The following CDH19 variants were observed in gnomAD, a reference collection of about 807,000 sequenced individuals.
CDH19 encodes the protein cadherin 19.
CDH19 carries 67 observed loss-of-function variants against 64.2 expected under a neutral mutation model. The observed-to-expected ratio is 1.04, with a 90% CI of 0.86 to 1.28. CDH19 has a LOEUF of 1.28. CDH19 is among the 50% of genes most tolerant of loss of function. The probability of loss-of-function intolerance (pLI) is 0.00; values close to 1 mark genes in which losing one functional copy is unlikely to be tolerated. For synonymous variants in CDH19, 346 were observed against 319.3 expected (o/e 1.08, Z -0.89); for missense variants, 1,030 against 929.0 (o/e 1.11, Z -1.41).
At chr18:66,563,790 G>T (rs1987808506) in intron 3 of CDH19, among the ~76,000 whole-genome samples, 1 of 151,830 alleles carries the variant, frequency 6.6e-6, no homozygotes, top group African/African-American at 2.4e-5. Flanking sequence ...CATCTTAACT[G>T]GGCAAAGTGT....
chr18:66,544,332 G>T, intron 6 of CDH19, 108 bp from the exon 7 acceptor site: 2 of 1,042,648 alleles, frequency 1.9e-6, no homozygotes, highest in Non-Finnish European at 2.7e-6. Flanking sequence ...CTTTCAGTTA[G>T]ATTTTTCTTT....
At position 66,544,081 on chromosome 18, in the gene CDH19, A is replaced by G. The variant is rs201588268; in HGVS notation, c.1104T>C (p.Pro368=). The part of the protein sequence containing the change: ...KIQVEDVDEP[P]LFLLPYYVFE... Reference sequence around the variant, plus strand: ...ATACATAATATGGAAGGAGGAAAAGAGGAGGCTCATCAACATCTTCCACCT... The same window carrying G: ...ATACATAATATGGAAGGAGGAAAAGGGGAGGCTCATCAACATCTTCCACCT... Residue 368 remains proline, a synonymous_variant, in exon 7 of 12, where the codon CCT becomes CCC. Transcript: ENST00000262150. The G allele has an allele frequency of 1.9e-6, 3 of 1,614,032 alleles. No homozygotes were observed. The highest frequency in any genetic ancestry group is 4.5e-5 in the East Asian group (2 of 44,874).
At chr18:66,524,886 C>A (rs1200291664) in intron 9 of CDH19, among the ~76,000 whole-genome samples, 1 of 152,056 alleles carries the variant, frequency 6.6e-6, no homozygotes, top group Non-Finnish European at 1.5e-5. Context: ...GAAGGTGCCA[C>A]CTTTCTCTTT....
chr18:66,554,165 G>T (rs564293708), intron 4 of CDH19, among the ~76,000 whole-genome samples: 3 of 151,838 alleles, frequency 2.0e-5, no homozygotes, highest in Non-Finnish European at 4.4e-5. Context: ...TCATTTAAAA[G>T]AATCTTTACA....
intron 4 of CDH19, among the ~76,000 whole-genome samples, 192 bp downstream of exon 4, chr18:66,554,213 G>A (rs901386035): frequency 1.3e-5 from 2 of 151,834 alleles, no homozygotes; most frequent in African/African-American, 4.8e-5. Flanking sequence ...TTTGTGCTAT[G>A]GACATGAAAA....
chr18:66,561,171 G>A (rs1987708663), intron 3 of CDH19, among the ~76,000 whole-genome samples: 2 of 152,004 alleles, frequency 1.3e-5, no homozygotes, highest in South Asian at 4.1e-4. Flanking sequence ...ACACTCCATG[G>A]AAGAAGCTAC....
chr18:66,538,851 T>C (rs1441106601), intron 7 of CDH19, among the ~76,000 whole-genome samples: 3 of 152,104 alleles, frequency 2.0e-5, no homozygotes, highest in Non-Finnish European at 2.9e-5. Flanking sequence ...GGTTGTCACA[T>C]GGCAGTCCTC....
At chr18:66,524,146 A>G (rs2144394808) in intron 9 of CDH19, among the ~76,000 whole-genome samples, 1 of 152,048 alleles carries the variant, frequency 6.6e-6, no homozygotes. Flanking sequence ...CCTTTTTATA[A>G]TTCCTTTTGT....
In CDH19 at chr18:66,535,019, AAGC is replaced by A; in HGVS notation, c.1300_1302del (p.Ala434del). 6.6e-7 allele frequency: 1 copy of A among 1,513,920 alleles called. No homozygotes were observed. Among genetic ancestry groups the A allele is most frequent in the East Asian group, 2.4e-5 (1 of 42,272 alleles). The allele number at this position is 1,513,920 out of a possible 1,614,324, so 93.8% of individuals were successfully genotyped here. On this transcript the variant is annotated inframe_deletion, in exon 8 of 12. Transcript: ENST00000262150. ...GTGGCTGTAATACTTAGGTTGTACC[AAGC>A]ACTGATTTCACGATCCAGTGAGTTA...
At chr18:66,518,973 C>G (rs1010076416) in intron 9 of CDH19, among the ~76,000 whole-genome samples, 1 of 152,164 alleles carries the variant, frequency 6.6e-6, no homozygotes, top group Non-Finnish European at 1.5e-5. Context: ...CCAATGGTTA[C>G]ATCTTATGTA....
At chr18:66,590,559 G>A (rs1285586076) in intron 1 of CDH19, among the ~76,000 whole-genome samples, 2 of 150,954 alleles carry the variant, frequency 1.3e-5, no homozygotes, top group African/African-American at 2.4e-5. Flanking sequence ...TGTAGAAGTT[G>A]GTTAACACTT....
intron 3 of CDH19, among the ~76,000 whole-genome samples, chr18:66,565,150 A>C (rs149401139): frequency 2.6e-3 from 388 of 152,068 alleles, no homozygotes; most frequent in African/African-American, 8.7e-3. Flanking sequence ...TGGATGGCAG[A>C]AAAATAGTAA....
At chr18:66,589,391 T>C (rs190038816) in intron 1 of CDH19, among the ~76,000 whole-genome samples, 1 of 151,796 alleles carries the variant, frequency 6.6e-6, no homozygotes, top group African/African-American at 2.4e-5. Flanking sequence ...ATGCTTTCAT[T>C]AAGAAGATAT....
chr18:66,586,061 A>C (rs1331990862), intron 1 of CDH19, among the ~76,000 whole-genome samples: 1 of 152,110 alleles, frequency 6.6e-6, no homozygotes, highest in Non-Finnish European at 1.5e-5. Context: ...CATAAAGCTA[A>C]TTATTCCATC....
intron 4 of CDH19, among the ~76,000 whole-genome samples, chr18:66,551,869 AC>A (rs1987356623): frequency 1.3e-5 from 2 of 152,054 alleles, no homozygotes; most frequent in African/African-American, 4.8e-5. Flanking sequence ...ACTGAAAAGA[AC>A]CTAAGAAAAT....
chr18:66,593,859 G>A (rs1199303096), intron 1 of CDH19, among the ~76,000 whole-genome samples: 2 of 152,106 alleles, frequency 1.3e-5, no homozygotes, highest in Non-Finnish European at 2.9e-5. Flanking sequence ...ACAATTCAAA[G>A]TAGTCTTTCA....
intron 3 of CDH19, among the ~76,000 whole-genome samples, chr18:66,566,412 A>G (rs2144563934): frequency 6.6e-6 from 1 of 151,818 alleles, no homozygotes; most frequent in South Asian, 2.1e-4. Context: ...CTTAAAAAAC[A>G]ATTGAATAGT....
At position 66,554,462 on chromosome 18, in the gene CDH19, G is replaced by A. The variant is rs1453631767; in HGVS notation, c.553C>T (p.Arg185Cys). 2.2e-5 allele frequency: 36 copies of A among 1,611,168 alleles called. No individual in the cohort carries two copies. The highest frequency in any genetic ancestry group is 3.0e-5 in the Non-Finnish European group (35 of 1,177,874). ...CCTTGAAGTAAGCTGTAGAGGAGACGAGCATTATTACCACTTGAGGGATCG... is the reference window on the plus strand; with the variant it reads ...CCTTGAAGTAAGCTGTAGAGGAGACAAGCATTATTACCACTTGAGGGATCG... ...ADDPSSGNNA[R>C]LLYSLLQGQP... Residue 185 changes from arginine (R) to cysteine (C), a missense_variant, in exon 4 of 12, where the codon CGT becomes TGT. Coordinates refer to ENST00000262150, the MANE Select transcript of CDH19 (RefSeq NM_021153.4).
chr18:66,512,502 T>A (rs1985539809), intron 9 of CDH19, among the ~76,000 whole-genome samples: 1 of 151,452 alleles, frequency 6.6e-6, no homozygotes, highest in Non-Finnish European at 1.5e-5. Context: ...CAAACAAAAA[T>A]AGCCTCAGAT....
Sources: allele counts gnomAD v4.1 joint callset (sites outside exome capture counted in the v4.1 genomes callset), GRCh38; gene constraint gnomAD v4.1.1; transcripts MANE v1.5; gene names NCBI Gene and HGNC (gene_info 2026-07-23, HGNC 2026-07-21).